Variants in PRRC2B observed in about 807,000 individuals in gnomAD.
PRRC2B encodes the protein proline rich coiled-coil 2B, also known as protein PRRC2B.
In PRRC2B, 68 loss-of-function variants were observed where a neutral mutation model predicts 242.3. The observed-to-expected ratio is 0.28, with a 90% CI of 0.23 to 0.34. PRRC2B has a LOEUF of 0.34. Ranked by LOEUF, PRRC2B falls within the 10% of genes least tolerant of loss-of-function variation. PRRC2B has a pLI of 1.00. For synonymous variants in PRRC2B, 1,228 were observed against 1,173.6 expected, an observed-to-expected ratio of 1.05 and a Z score of -0.95; for missense variants, 2,835 against 2,954.8, an observed-to-expected ratio of 0.96 and a Z score of 0.94.
upstream of PRRC2B, among the ~76,000 whole-genome samples, chr9:131,390,992 G>A (rs1836894026): frequency 6.7e-6 from 1 of 150,074 alleles, no homozygotes; most frequent in Admixed American, 6.7e-5. Flanking sequence ...TCACCATGTT[G>A]GTCAGGCTGG....
intron 1 of PRRC2B, among the ~76,000 whole-genome samples, chr9:131,426,891 C>T (rs1837990896): frequency 6.6e-6 from 1 of 152,252 alleles, no homozygotes; most frequent in South Asian, 2.1e-4. Flanking sequence ...CATTTGCAAA[C>T]ACCCTGGTAT....
upstream of PRRC2B, among the ~76,000 whole-genome samples, chr9:131,390,674 G>A (rs1836888803): frequency 1.3e-5 from 2 of 150,926 alleles, no homozygotes; most frequent in South Asian, 4.2e-4. Flanking sequence ...AGTAGAGATG[G>A]GGTTTCACCA....
At position 131,475,492 on chromosome 9, in the gene PRRC2B, C is replaced by T. The variant is rs769020871; in HGVS notation, c.3363C>T (p.Cys1121=). The T allele has an allele frequency of 6.2e-7, 1 of 1,603,874 alleles. No homozygotes were observed. The highest frequency in any genetic ancestry group is 8.5e-7 in the Non-Finnish European group (1 of 1,175,010). ...GAGAGTTTGCGCGGCCAGAGGACTG[C>T]CCCAGAGCCAAGCCCCGACGGAGAG... ...GLREFARPED[C]PRAKPRRRVA... is the part of the protein sequence containing the mutation. Residue 1121 remains cysteine, a synonymous_variant, in exon 16 of 32, where the codon TGC becomes TGT. Coordinates refer to ENST00000683519, the MANE Select transcript of PRRC2B (RefSeq NM_013318.4).
chr9:131,482,734 A>T lies in PRRC2B; in HGVS notation c.5200A>T (p.Ser1734Cys). The T allele has an allele frequency of 1.9e-6, 3 of 1,604,098 alleles. No homozygotes were observed. The highest frequency in any genetic ancestry group is 2.6e-6 in the Non-Finnish European group (3 of 1,175,804). Residue 1734 changes from serine (S) to cysteine (C), a missense_variant, in exon 22 of 32, where the codon AGC (serine) becomes TGC (cysteine). Physicochemically the swap from Ser to Cys is moderately radical, Grantham distance 112. Around this residue, in one of 7 missense-constraint regions of PRRC2B, gnomAD observed 51 missense variants for 45.1 expected, o/e 1.13. Coordinates refer to ENST00000683519, the MANE Select transcript of PRRC2B (RefSeq NM_013318.4). This position sits in a 1 kb window ranked among gnomAD's most constrained non-coding sequence, Gnocchi z 5.2. ...QKDSEQGSGQSKEHRPGPIGN... is the reference protein window; with the variant it reads ...QKDSEQGSGQCKEHRPGPIGN... ...GGATTCAGAACAAGGCTCTGGACAG[A>T]GCAAGGAGCACAGACCAGGACCCAT...
chr9:131,467,358 A>G (rs1943426149), intron 12 of PRRC2B, among the ~76,000 whole-genome samples: 1 of 152,216 alleles, frequency 6.6e-6, no homozygotes, highest in Non-Finnish European at 1.5e-5. Context: ...TAAGGTGACA[A>G]CAGGTGAAGC....
chr9:131,389,047 G>A (rs1015065697), intron 1 of PRRC2B, among the ~76,000 whole-genome samples: 13 of 149,552 alleles, frequency 8.7e-5, no homozygotes, highest in African/African-American at 2.9e-4. Context: ...TCACCATGTT[G>A]CCCAGGCTGG....
In PRRC2B at chr9:131,447,213, C is replaced by G; in HGVS notation, c.977+7C>G. 1 of 1,613,928 alleles carries G rather than the reference C, an allele frequency of 6.2e-7. No homozygotes were observed. Among genetic ancestry groups the G allele is most frequent in the Non-Finnish European group, 8.5e-7 (1 of 1,179,854 alleles). On this transcript the variant is annotated splice_region_variant and intron_variant, in intron 8 of 31. Transcript: ENST00000683519. ...AGATGAATGACCAAGACGGGTGAGT[C>G]CATTGCATTACAGTCACGTGTGTAG...
At chr9:131,449,168 C>T (rs1942831765) in intron 9 of PRRC2B, among the ~76,000 whole-genome samples, 1 of 152,280 alleles carries the variant, frequency 6.6e-6, no homozygotes, top group South Asian at 2.1e-4. Flanking sequence ...TTTATTCATT[C>T]AAAAGCCCCA....
chr9:131,470,031 G>A (rs1943497891), intron 13 of PRRC2B, among the ~76,000 whole-genome samples: 2 of 152,114 alleles, frequency 1.3e-5, no homozygotes, highest in Admixed American at 1.3e-4. Flanking sequence ...AGAGGAGGAT[G>A]TGTTTAAACT....
intron 1 of PRRC2B, among the ~76,000 whole-genome samples, chr9:131,420,422 C>CTCTGCTT (rs1837770171): frequency 7.0e-6 from 1 of 142,938 alleles, no homozygotes; most frequent in Non-Finnish European, 1.6e-5. Context: ...TGAAAGCCAC[C>CTCTGCTT]TCTGCTTTTC....
rs749162469 is a variant in PRRC2B, at chr9:131,487,888, C to T, written c.6017C>T (p.Pro2006Leu). Residue 2006 changes from proline (P) to leucine (L), a missense_variant, in exon 28 of 32, where the codon CCG (proline) becomes CTG (leucine). By Grantham distance (98) the Pro-to-Leu change is moderately conservative. Around this residue, in one of 7 missense-constraint regions of PRRC2B, gnomAD observed 574 missense variants for 626.0 expected, o/e 0.92. Coordinates refer to ENST00000683519, the MANE Select transcript of PRRC2B (RefSeq NM_013318.4). This position sits in a 1 kb window ranked among gnomAD's most constrained non-coding sequence, Gnocchi z 5.3. ...SQVYMHPSLS[P>L]PSTMILSGGT... ...GTGTACATGCACCCCAGCCTGTCAC[C>T]GCCCAGCACCATGATCCTCTCTGGG... The T allele has an allele frequency of 3.8e-5, 61 of 1,612,408 alleles. No individual in the cohort carries two copies. The highest frequency in any genetic ancestry group is 4.8e-5 in the Non-Finnish European group (57 of 1,178,704).
Position 131,470,963 on chromosome 9 carries a change from C to T in PRRC2B, c.2087C>T (p.Pro696Leu). The change falls in exon 14 of 32, where the codon CCC (proline) becomes CTC (leucine). Residue 696 changes from proline to leucine, a missense_variant. This residue lies in a region of PRRC2B where 1,536 missense variants were observed against 1,483.1 expected (regional missense o/e 1.04). Coordinates refer to ENST00000683519, the MANE Select transcript of PRRC2B (RefSeq NM_013318.4). ...TPTRTPVDFY[P>L]SALHPSGLMK... ...ACTCGGACCCCGGTGGACTTCTACC[C>T]CTCCGCCCTGCATCCCTCAGGTAAG... is the stretch of plus-strand genomic sequence containing the variant. 1 of 1,611,924 alleles carries T rather than the reference C, an allele frequency of 6.2e-7. No individual in the cohort carries two copies.
chr9:131,479,894 T>C (rs2131457194), intron 19 of PRRC2B, among the ~76,000 whole-genome samples: 1 of 152,324 alleles, frequency 6.6e-6, no homozygotes, highest in Non-Finnish European at 1.5e-5. Flanking sequence ...ACGTTACTTC[T>C]TAGAACATTT....
chr9:131,490,608 C>T (rs1206491660), intron 28 of PRRC2B: 3 of 518,896 alleles, frequency 5.8e-6, no homozygotes, highest in Non-Finnish European at 1.2e-5. Flanking sequence ...CATCCTGTTC[C>T]CCTGTCCTTA....
chr9:131,455,533 T>C (rs1388781768), intron 10 of PRRC2B, among the ~76,000 whole-genome samples: 6 of 53,354 alleles, frequency 1.1e-4, no homozygotes, highest in Non-Finnish European at 2.4e-4. Flanking sequence ...TTTTTTTTTT[T>C]TGAGACAGGC....
chr9:131,441,022 A>G (rs1352154268), intron 5 of PRRC2B, among the ~76,000 whole-genome samples: 3 of 152,100 alleles, frequency 2.0e-5, no homozygotes, highest in Non-Finnish European at 4.4e-5. Flanking sequence ...GAATCACCTG[A>G]GCACCAGAGG....
intron 25 of PRRC2B, among the ~76,000 whole-genome samples, 154 bp from the exon 26 acceptor site, chr9:131,485,931 C>T (rs3808829): frequency 1.3e-5 from 2 of 152,044 alleles, no homozygotes; most frequent in African/African-American, 4.8e-5. Flanking sequence ...CGTGTGCTTC[C>T]GGCACACAGG....
chr9:131,465,281 A>G (rs1943360846), intron 12 of PRRC2B, among the ~76,000 whole-genome samples: 1 of 152,038 alleles, frequency 6.6e-6, no homozygotes, highest in African/African-American at 2.4e-5. Context: ...TATAATTTCA[A>G]CTTTTACTTT....
intron 19 of PRRC2B, among the ~76,000 whole-genome samples, chr9:131,481,342 A>AT (rs1231071744): frequency 2.1e-4 from 31 of 149,902 alleles, no homozygotes; most frequent in Admixed American, 7.3e-4. Flanking sequence ...AGAAAGATAT[A>AT]TTTTTTAATG....
Sources: gnomAD v4.1 joint callset for allele counts (sites outside exome capture counted in the v4.1 genomes callset) on GRCh38, gnomAD v4.1.1 for gene constraint, gnomAD v4.1.1 regional missense constraint, Gnocchi (gnomAD v3.1) non-coding constraint, MANE v1.5 for transcripts, NCBI Gene and HGNC (gene_info 2026-07-23, HGNC 2026-07-21) for gene names.